The following PIK3R3 variants were observed in gnomAD, a reference collection of about 807,000 sequenced individuals.
PIK3R3 encodes phosphoinositide-3-kinase regulatory subunit 3.
Under a neutral mutation model 62.9 loss-of-function variants are expected in PIK3R3, and 64 were observed. That is an observed-to-expected ratio of 1.02 (90% CI 0.83 to 1.25). The LOEUF (loss-of-function observed/expected upper bound fraction) is 1.25. Ranked by LOEUF, PIK3R3 falls within the 50% of genes most tolerant of loss-of-function variation. The pLI, the probability that PIK3R3 is intolerant of heterozygous loss-of-function variation, is 0.00. For synonymous variants in PIK3R3, 165 were observed against 189.0 expected, an observed-to-expected ratio of 0.87 and a Z score of 1.04; for missense variants, 614 against 561.6, an observed-to-expected ratio of 1.09 and a Z score of -0.94.
chr1:46,105,417 C>T (rs1019942916), intron 1 of PIK3R3, among the ~76,000 whole-genome samples: 8 of 151,494 alleles, frequency 5.3e-5, no homozygotes, highest in Non-Finnish European at 1.0e-4. Flanking sequence ...GAGAATCGCT[C>T]GAACTGAACC....
At chr1:46,162,160 C>A in the PIK3R3 span, among the ~76,000 whole-genome samples, 5 of 149,048 alleles carry the variant, frequency 3.4e-5, no homozygotes, top group Admixed American at 6.7e-5. Context: ...ACAATTTATA[C>A]GTCTAAGGGT....
chr1:46,045,644 T>TTTTTTCTTTC (rs370501368), intron 9 of PIK3R3, among the ~76,000 whole-genome samples: 1 of 82,596 alleles, frequency 1.2e-5, no homozygotes, highest in Non-Finnish European at 2.3e-5. Context: ...TTTTTTTTTT[T>TTTTTTCTTTC]CAATTTAAGA....
chr1:46,116,046 T>C (rs1226113190), intron 1 of PIK3R3, among the ~76,000 whole-genome samples: 1 of 152,136 alleles, frequency 6.6e-6, no homozygotes, highest in East Asian at 1.9e-4. Flanking sequence ...CATGAAGAAA[T>C]AGGATTTTAA....
At chr1:46,149,834 A>G in the PIK3R3 span, among the ~76,000 whole-genome samples, 1 of 152,180 alleles carries the variant, frequency 6.6e-6, no homozygotes, top group Non-Finnish European at 1.5e-5. Flanking sequence ...CCCGGCCAAG[A>G]AGTTACCTTA....
At chr1:46,050,923 C>A (rs1056884393) in intron 7 of PIK3R3, among the ~76,000 whole-genome samples, 3 of 152,110 alleles carry the variant, frequency 2.0e-5, no homozygotes, top group African/African-American at 7.2e-5. Context: ...AAACACCATG[C>A]TAAGTGAAAG....
the PIK3R3 span, among the ~76,000 whole-genome samples, chr1:46,164,991 C>T: frequency 6.6e-6 from 1 of 152,112 alleles, no homozygotes; most frequent in East Asian, 1.9e-4. Context: ...CATCACTATG[C>T]CCAATTAAGT....
At chr1:46,115,396 ACC>A (rs1316606110) in intron 1 of PIK3R3, among the ~76,000 whole-genome samples, 2 of 152,186 alleles carry the variant, frequency 1.3e-5, no homozygotes, top group Non-Finnish European at 2.9e-5. Flanking sequence ...ACTCTTAAAC[ACC>A]ATAGAAAATG....
At chr1:46,091,393 G>A (rs1330023797) in intron 1 of PIK3R3, among the ~76,000 whole-genome samples, 5 of 151,808 alleles carry the variant, frequency 3.3e-5, no homozygotes, top group Non-Finnish European at 7.4e-5. Context: ...CACCTGCCTC[G>A]GCCTCCCAAA....
chr1:46,141,051 G>A, the PIK3R3 span, among the ~76,000 whole-genome samples: 4 of 151,536 alleles, frequency 2.6e-5, no homozygotes, highest in South Asian at 2.1e-4. Context: ...TTGTAGAGAC[G>A]AGGTCTCACT....
intron 6 of PIK3R3, among the ~76,000 whole-genome samples, chr1:46,058,852 C>G (rs886801093): frequency 1.3e-5 from 2 of 152,106 alleles, no homozygotes; most frequent in African/African-American, 4.8e-5. Context: ...TGAGTTAAGA[C>G]TTTGGGGGAC....
At chr1:46,133,245 C>G (rs928155328), upstream of PIK3R3, among the ~76,000 whole-genome samples, 3 of 152,234 alleles carry the variant, frequency 2.0e-5, no homozygotes, top group Admixed American at 6.5e-5. Context: ...GAAGAAAACG[C>G]AAACGGCGGT....
upstream of PIK3R3, among the ~76,000 whole-genome samples, chr1:46,134,153 A>G (rs1025883763): frequency 6.6e-6 from 1 of 152,206 alleles, no homozygotes; most frequent in Non-Finnish European, 1.5e-5. Context: ...CTCTTTACAC[A>G]GGAGTAACAA....
At chr1:46,167,550 G>A in the PIK3R3 span, among the ~76,000 whole-genome samples, 3 of 152,302 alleles carry the variant, frequency 2.0e-5, no homozygotes, top group African/African-American at 7.2e-5. Flanking sequence ...TGCCAGCCTG[G>A]AGGTGGTGAG....
At chr1:46,132,776 CGAT>C (rs984855663), upstream of PIK3R3, 11 of 1,272,254 alleles carry the variant, frequency 8.6e-6, no homozygotes, top group Non-Finnish European at 1.1e-5. Flanking sequence ...CGTCCCGCCT[CGAT>C]GTACCGGGAT....
rs115350546 is a variant in PIK3R3, at chr1:46,108,812, C to A, written c.106+23035G>T. Among the ~76,000 whole-genome samples, 509 of 152,296 alleles carry A rather than the reference C, an allele frequency of 3.3e-3. 4 individuals carry two copies. Among genetic ancestry groups the A allele is most frequent in the African/African-American group, 0.011 (468 of 41,582 alleles). On this transcript the variant is annotated intron_variant, in intron 1 of 9. Coordinates refer to ENST00000262741, the MANE Select transcript of PIK3R3 (RefSeq NM_003629.4). ...CACAGCCCTAAATATTCAGTCTTAACTCTATTCTACTCCACCAAAACATAA... is the reference window on the plus strand; with the variant it reads ...CACAGCCCTAAATATTCAGTCTTAAATCTATTCTACTCCACCAAAACATAA...
intron 1 of PIK3R3, among the ~76,000 whole-genome samples, chr1:46,100,592 C>T (rs1241718071): frequency 1.3e-5 from 2 of 152,160 alleles, no homozygotes; most frequent in African/African-American, 4.8e-5. Flanking sequence ...TTTTTCTTGA[C>T]AGTTTACTCT....
At chr1:46,174,349 G>A in the PIK3R3 span, among the ~76,000 whole-genome samples, 1 of 152,224 alleles carries the variant, frequency 6.6e-6, no homozygotes. Context: ...GCCCAGCACC[G>A]TCTGGGCATG....
intron 1 of PIK3R3, among the ~76,000 whole-genome samples, chr1:46,099,129 A>G (rs1400614161): frequency 6.6e-6 from 1 of 152,240 alleles, no homozygotes; most frequent in African/African-American, 2.4e-5. Context: ...AACACTTTTA[A>G]AAGGTGGATA....
chr1:46,053,231 C>T (rs1431342285), intron 7 of PIK3R3, among the ~76,000 whole-genome samples: 1 of 152,038 alleles, frequency 6.6e-6, no homozygotes, highest in Non-Finnish European at 1.5e-5. Flanking sequence ...GTTATCTAAA[C>T]TCTTATATTT....
Sources: allele counts gnomAD v4.1 joint callset (sites outside exome capture counted in the v4.1 genomes callset), GRCh38; gene constraint gnomAD v4.1.1; transcripts MANE v1.5; gene names NCBI Gene and HGNC (gene_info 2026-07-23, HGNC 2026-07-21).